The following GPC3 variants were observed in gnomAD, a reference collection of about 807,000 sequenced individuals.
GPC3 encodes glypican-3.
GPC3 carries 3 observed loss-of-function variants against 34.4 expected under a neutral mutation model. That is an observed-to-expected ratio of 0.09 (90% CI 0.04 to 0.23). The LOEUF (loss-of-function observed/expected upper bound fraction) is 0.23, where lower values mean the gene tolerates loss of function less well. Among genes scored for constraint, GPC3 ranks in the 10% least tolerant of loss-of-function variants. The pLI is 1.00. For synonymous variants in GPC3, 177 were observed against 174.0 expected (o/e 1.02, Z -0.13); for missense variants, 351 against 445.6 (o/e 0.79, Z 1.91).
At chrX:133,800,428 T>C (rs2075603237) in intron 2 of GPC3, among the ~76,000 whole-genome samples, 1 of 111,900 alleles carries the variant, frequency 8.9e-6, no homozygotes, top group African/African-American at 3.3e-5. Context: ...AGCAGAGAAT[T>C]CCAAGCCCCA....
At chrX:133,932,756 A>T (rs979056659) in intron 2 of GPC3, among the ~76,000 whole-genome samples, 21 of 111,212 alleles carry the variant, frequency 1.9e-4, no homozygotes, top group Middle Eastern at 4.7e-3. Flanking sequence ...TCAGAAAAAA[A>T]GTCACATATA....
intron 6 of GPC3, among the ~76,000 whole-genome samples, chrX:133,645,991 C>CA (rs902161710): frequency 8.6e-5 from 7 of 80,931 alleles, no homozygotes; most frequent in African/African-American, 1.8e-4. Context: ...AAAAGTTACA[C>CA]AAAAAAAATT....
At chrX:133,796,936 A>T (rs1000584332) in intron 2 of GPC3, among the ~76,000 whole-genome samples, 10 of 111,463 alleles carry the variant, frequency 9.0e-5, no homozygotes, top group African/African-American at 3.3e-4. Context: ...AGTGCTCAGC[A>T]TCAAGTCACC....
Position 133,851,902 on chromosome X carries a change from T to G in GPC3, c.338-97726A>C, listed in dbSNP as rs182978940. 2.3e-3 allele frequency among the ~76,000 whole-genome samples: 260 copies of G among 112,032 alleles called. 1 individual carries two copies. Among genetic ancestry groups the G allele is most frequent in the African/African-American group, 7.7e-3 (238 of 30,872 alleles). ...AAAGAATTCAAACATTAGGGAGAAC[T>G]TCTTGACCATGCCAGAGACTTAAAC... On this transcript the variant is annotated intron_variant, in intron 2 of 7. Transcript: ENST00000370818.
At chrX:133,716,466 T>C (rs903831631) in intron 3 of GPC3, among the ~76,000 whole-genome samples, 6 of 112,141 alleles carry the variant, frequency 5.4e-5, no homozygotes, top group Non-Finnish European at 1.1e-4. Flanking sequence ...GGCAAAAAGA[T>C]AGAAATTACT....
At chrX:133,605,730 A>C (rs751862955) in intron 6 of GPC3, among the ~76,000 whole-genome samples, 2 of 111,453 alleles carry the variant, frequency 1.8e-5, no homozygotes, top group Non-Finnish European at 3.8e-5. Context: ...CAGACATAAG[A>C]GCTTGTTACA....
chrX:133,932,640 A>T (rs1180441118), intron 2 of GPC3, among the ~76,000 whole-genome samples: 1 of 111,987 alleles, frequency 8.9e-6, no homozygotes, highest in Non-Finnish European at 1.9e-5. Context: ...CATAAAACCA[A>T]ATTAGAGTGG....
intron 2 of GPC3, among the ~76,000 whole-genome samples, chrX:133,777,809 C>A (rs2072003042): frequency 9.0e-6 from 1 of 111,055 alleles, no homozygotes; most frequent in Admixed American, 9.6e-5. Context: ...GCTCCCCAGG[C>A]AAATCTGATG....
chrX:133,765,141 A>G (rs978636177), intron 2 of GPC3, among the ~76,000 whole-genome samples: 1 of 111,988 alleles, frequency 8.9e-6, no homozygotes, highest in South Asian at 3.7e-4. Context: ...TTTCTTTTTT[A>G]AAAAAGGTCA....
chrX:133,904,692 G>A (rs942341746), intron 2 of GPC3, among the ~76,000 whole-genome samples: 4 of 111,878 alleles, frequency 3.6e-5, no homozygotes, highest in Non-Finnish European at 7.5e-5. Context: ...AAAATATGCT[G>A]ACTAGGTTAC....
At chrX:133,879,314 C>T (rs2076031013) in intron 2 of GPC3, among the ~76,000 whole-genome samples, 2 of 110,868 alleles carry the variant, frequency 1.8e-5, no homozygotes, top group South Asian at 3.9e-4. Context: ...TTCCACAGAG[C>T]GCAGTTAGGG....
intron 2 of GPC3, among the ~76,000 whole-genome samples, chrX:133,773,793 T>G (rs1316891826): frequency 1.8e-5 from 2 of 111,603 alleles, no homozygotes; most frequent in Non-Finnish European, 3.8e-5. Flanking sequence ...CAGAAAAATT[T>G]TTATGCTTTT....
At chrX:133,900,292 C>T (rs73632101) in intron 2 of GPC3, among the ~76,000 whole-genome samples, 3 of 112,490 alleles carry the variant, frequency 2.7e-5, no homozygotes, top group African/African-American at 6.5e-5. Flanking sequence ...TAGAAGATAA[C>T]AATCAATCAA....
chrX:133,939,446 C>G (rs1816682089), intron 2 of GPC3, among the ~76,000 whole-genome samples: 1 of 111,681 alleles, frequency 9.0e-6, no homozygotes, highest in Non-Finnish European at 1.9e-5. Context: ...AGTGTTTACT[C>G]TAAGAAGACT....
At chrX:133,660,207 G>A (rs2070703894) in intron 6 of GPC3, among the ~76,000 whole-genome samples, 1 of 112,133 alleles carries the variant, frequency 8.9e-6, no homozygotes, top group South Asian at 3.8e-4. Context: ...GCCCTTCTAA[G>A]TATTTTCTAG....
At chrX:133,899,968 A>C (rs1487277443) in intron 2 of GPC3, among the ~76,000 whole-genome samples, 1 of 110,871 alleles carries the variant, frequency 9.0e-6, no homozygotes, top group Non-Finnish European at 1.9e-5. Context: ...ACGCCTGGCT[A>C]ATTTTTGTCT....
intron 3 of GPC3, among the ~76,000 whole-genome samples, chrX:133,742,853 T>C (rs943142302): frequency 8.9e-6 from 1 of 112,149 alleles, no homozygotes; most frequent in African/African-American, 3.2e-5. Flanking sequence ...ATGACTCTGC[T>C]TCCTACTTTA....
chrX:133,602,907 T>C (rs778002690), intron 6 of GPC3, among the ~76,000 whole-genome samples: 1 of 110,993 alleles, frequency 9.0e-6, no homozygotes, highest in South Asian at 3.8e-4. Flanking sequence ...AGATAATGCA[T>C]GTTGTAGAAG....
chrX:133,536,142 G>T lies in GPC3; in HGVS notation c.1725C>A (p.Phe575Leu), dbSNP rs925042479. Reference sequence around the variant, plus strand: ...CAGGCAGTCAGTGCACCAGGAAGAAGAAGCACACCACCGAGATGGCCATGC... The same window carrying T: ...CAGGCAGTCAGTGCACCAGGAAGAATAAGCACACCACCGAGATGGCCATGC... ...LTSMAISVVC[F>L]FFLVH Residue 575 changes from phenylalanine to leucine, a missense_variant, in exon 8 of 8, where the codon TTC becomes TTA. Physicochemically the swap from Phe to Leu is conservative, Grantham distance 22. Coordinates refer to ENST00000370818, the MANE Select transcript of GPC3 (RefSeq NM_004484.4). The T allele has an allele frequency of 8.3e-7, 1 of 1,201,961 alleles. No individual in the cohort carries two copies. Among genetic ancestry groups the T allele is most frequent in the Non-Finnish European group, 1.1e-6 (1 of 890,909 alleles).
Sources: allele counts gnomAD v4.1 joint callset (sites outside exome capture counted in the v4.1 genomes callset), GRCh38; gene constraint gnomAD v4.1.1; transcripts MANE v1.5; gene names NCBI Gene and HGNC (gene_info 2026-07-23, HGNC 2026-07-21).